SNU13: variants seen among roughly 807,000 people sequenced by gnomAD.
The protein encoded by SNU13 is small nuclear ribonucleoprotein 13.
Under a neutral mutation model 12.4 loss-of-function variants are expected in SNU13, and 2 were observed. That is an observed-to-expected ratio of 0.16 (90% confidence interval 0.07 to 0.51). The LOEUF (loss-of-function observed/expected upper bound fraction) is 0.51, where lower values mean the gene tolerates loss of function less well. Ranked by LOEUF, SNU13 falls within the 20% of genes least tolerant of loss-of-function variation. The pLI is 0.96. For synonymous variants in SNU13, 68 were observed against 66.5 expected, an observed-to-expected ratio of 1.02 and a Z score of -0.11; for missense variants, 66 against 157.8, an observed-to-expected ratio of 0.42 and a Z score of 3.12.
chr22:41,683,529 C>T (rs2068283531), intron 1 of SNU13, among the ~76,000 whole-genome samples: 1 of 152,194 alleles, frequency 6.6e-6, no homozygotes, highest in East Asian at 1.9e-4. Flanking sequence ...GTGTGAGCCA[C>T]TGTGCCCAGC....
chr22:41,677,329 G>A lies in SNU13; in HGVS notation c.125-2134C>T, dbSNP rs185763515. Among the ~76,000 whole-genome samples the A allele has an allele frequency of 3.3e-5, 5 of 152,218 alleles. No individual in the cohort carries two copies. In the East Asian group the frequency reaches 9.7e-4, roughly 29 times the overall value. ...TGTTTGAACTCAGAGTTTGAGACCA[G>A]CCTGGGCAACATGGCAAAACCCCAT... is the stretch of plus-strand genomic sequence containing the variant. On this transcript the variant is annotated intron_variant, in intron 2 of 2. Coordinates refer to ENST00000401959, the MANE Select transcript of SNU13 (RefSeq NM_001003796.2).
chr22:41,676,082 C>T (rs2068210917), intron 2 of SNU13, among the ~76,000 whole-genome samples: 1 of 152,156 alleles, frequency 6.6e-6, no homozygotes, highest in African/African-American at 2.4e-5. Context: ...ACCATCATCT[C>T]TTACCTTGTC....
At chr22:41,687,827 A>C (rs566967565) in intron 1 of SNU13, 1 of 152,354 alleles carries the variant, frequency 6.6e-6, no homozygotes, top group South Asian at 2.1e-4. Context: ...GGAAAACTGC[A>C]AAGTTCAACC....
intron 2 of SNU13, among the ~76,000 whole-genome samples, chr22:41,675,413 C>T (rs898497254): frequency 4.6e-5 from 7 of 152,016 alleles, no homozygotes; most frequent in Admixed American, 4.6e-4. Flanking sequence ...CTGAATCTGA[C>T]CACTTCTTCT....
At chr22:41,686,939 A>G (rs1250350004) in intron 1 of SNU13, among the ~76,000 whole-genome samples, 1 of 149,996 alleles carries the variant, frequency 6.7e-6, no homozygotes, top group Non-Finnish European at 1.5e-5. Flanking sequence ...ATTTTGGTTA[A>G]TAATTTATCA....
intron 1 of SNU13, among the ~76,000 whole-genome samples, chr22:41,686,056 C>T (rs1270729538): frequency 1.3e-5 from 2 of 151,906 alleles, no homozygotes; most frequent in Non-Finnish European, 1.5e-5. Flanking sequence ...GAGATTCTCT[C>T]GCCTCAGCCT....
chr22:41,690,332 A>G (rs1469944100), upstream of SNU13: 7 of 704,556 alleles, frequency 9.9e-6, no homozygotes, highest in Non-Finnish European at 1.9e-5. Context: ...TCACCCCATC[A>G]CACATTCAGG....
chr22:41,687,187 GA>G (rs2068318029), intron 1 of SNU13, among the ~76,000 whole-genome samples: 1 of 150,650 alleles, frequency 6.6e-6, no homozygotes, highest in Admixed American at 6.6e-5. Context: ...TCAAACTCCG[GA>G]CCCCATGATC....
chr22:41,677,059 G>C (rs9611640), intron 2 of SNU13, among the ~76,000 whole-genome samples: 22,586 of 152,054 alleles, frequency 0.15, 5,043 homozygotes, highest in African/African-American at 0.49. Flanking sequence ...GCCTCCTTTG[G>C]GGCATTCTTT....
chr22:41,683,567 T>A (rs2068283925), intron 1 of SNU13, among the ~76,000 whole-genome samples: 1 of 152,208 alleles, frequency 6.6e-6, no homozygotes, highest in African/African-American at 2.4e-5. Flanking sequence ...AATCTTTCAC[T>A]ATTATGTAAA....
At chr22:41,686,865 T>C (rs1338870857) in intron 1 of SNU13, among the ~76,000 whole-genome samples, 1 of 151,790 alleles carries the variant, frequency 6.6e-6, no homozygotes, top group Non-Finnish European at 1.5e-5. Context: ...GACCTCATGA[T>C]CCACCCGCCT....
rs181712956 is a variant in SNU13, at chr22:41,683,309, C to G, written c.4-2945G>C. On this transcript the variant is annotated intron_variant, in intron 1 of 2. Transcript: ENST00000401959. ...GCCACCGTGCCTGGCCTTATTTTTT[C>G]GATTAATCTTTCTGAGGGGGACTTT... Among the ~76,000 whole-genome samples, 48 of 152,132 alleles carry G rather than the reference C, an allele frequency of 3.2e-4. No homozygotes were observed. In the East Asian group the frequency reaches 8.7e-3, roughly 28 times the overall value.
At chr22:41,680,211 A>G (rs1308153578) in intron 2 of SNU13, 33 bp downstream of exon 2, 1 of 1,592,428 alleles carries the variant, frequency 6.3e-7, no homozygotes, top group Non-Finnish European at 8.6e-7. Context: ...GGTGCCTTTA[A>G]CATTCCCCCA....
Position 41,688,851 on chromosome 22 carries a change from A to G in SNU13, c.-55T>C. 1 of 1,553,378 alleles carries G rather than the reference A, an allele frequency of 6.4e-7. No individual in the cohort carries two copies. Among genetic ancestry groups the G allele is most frequent in the Non-Finnish European group, 8.8e-7 (1 of 1,140,190 alleles). ...AGGGGAGCGCAGCTGACGTTTCAGA[A>G]GCACTCGCGTGCACCGGAAAAACTC... is the stretch of plus-strand genomic sequence containing the variant. On this transcript the variant is annotated 5_prime_UTR_variant, in exon 1 of 3. Transcript: ENST00000401959.
intron 1 of SNU13, among the ~76,000 whole-genome samples, chr22:41,684,050 C>T (rs997773546): frequency 6.6e-6 from 1 of 152,070 alleles, no homozygotes; most frequent in Non-Finnish European, 1.5e-5. Flanking sequence ...ATTACAGGTG[C>T]GCGTCACCAC....
chr22:41,688,904 C>T, upstream of SNU13: 2 of 1,469,468 alleles, frequency 1.4e-6, no homozygotes, highest in South Asian at 2.6e-5. Flanking sequence ...AATGGCCCCG[C>T]GCGGCAGGAA....
chr22:41,688,588 G>T (rs1245998706), intron 1 of SNU13, among the ~76,000 whole-genome samples: 1 of 152,192 alleles, frequency 6.6e-6, no homozygotes, highest in African/African-American at 2.4e-5. Context: ...ACAGCTGCGG[G>T]GATCCTAAGG....
chr22:41,687,345 C>A (rs2068319528), intron 1 of SNU13, among the ~76,000 whole-genome samples: 1 of 152,162 alleles, frequency 6.6e-6, no homozygotes, highest in Admixed American at 6.5e-5. Context: ...TTTAAAAAAA[C>A]TTTAAAAATT....
intron 2 of SNU13, among the ~76,000 whole-genome samples, chr22:41,678,165 T>C (rs569993846): frequency 5.9e-5 from 9 of 151,816 alleles, no homozygotes; most frequent in Non-Finnish European, 1.3e-4. Context: ...TTGGTAGAGA[T>C]GAGGTTTCAC....
Sources: gnomAD v4.1 joint callset for allele counts (sites outside exome capture counted in the v4.1 genomes callset) on GRCh38, gnomAD v4.1.1 for gene constraint, MANE v1.5 for transcripts, NCBI Gene and HGNC (gene_info 2026-07-23, HGNC 2026-07-21) for gene names.